RHOBTB2: variants seen among roughly 807,000 people sequenced by gnomAD.
RHOBTB2 encodes rho-related BTB domain-containing protein 2.
RHOBTB2 carries 39 observed loss-of-function variants against 66.5 expected under a neutral mutation model. That is an observed-to-expected ratio of 0.59 (90% CI 0.45 to 0.77). The LOEUF (loss-of-function observed/expected upper bound fraction) is 0.77, where lower values mean the gene tolerates loss of function less well. Ranked by LOEUF, RHOBTB2 falls within the 30% of genes least tolerant of loss-of-function variation. RHOBTB2 has a pLI of 0.00. For synonymous variants in RHOBTB2, 390 were observed against 395.0 expected, an observed-to-expected ratio of 0.99 and a Z score of 0.15; for missense variants, 755 against 999.1, an observed-to-expected ratio of 0.76 and a Z score of 3.29.
intron 1 of RHOBTB2, among the ~76,000 whole-genome samples, chr8:22,991,340 C>T (rs1444444636): frequency 6.6e-6 from 1 of 152,118 alleles, no homozygotes; most frequent in Non-Finnish European, 1.5e-5. Flanking sequence ...GCTGTACAAG[C>T]CAGGGCCATG....
chr8:23,007,518 C>G lies in RHOBTB2; in HGVS notation c.1273C>G (p.Pro425Ala). ...GATGGACAGTTCCATCCAGCCGGGG[C>G]CCTTCCGGGCTGTCCTCAAGTACCT... Reference protein sequence around the residue: ...VKMDSSIQPGPFRAVLKYLYT... With the variant: ...VKMDSSIQPGAFRAVLKYLYT... The change falls in exon 5 of 10, where the codon CCC (proline) becomes GCC (alanine). Residue 425 changes from proline (P) to alanine (A), a missense_variant. Physicochemically the swap from Pro to Ala is conservative, Grantham distance 27 (BLOSUM62 -1). Coordinates refer to ENST00000251822, the MANE Select transcript of RHOBTB2 (RefSeq NM_015178.3). 1 of 1,614,064 alleles carries G rather than the reference C, an allele frequency of 6.2e-7. No individual in the cohort carries two copies. The highest frequency in any genetic ancestry group is 8.5e-7 in the Non-Finnish European group (1 of 1,179,994).
chr8:23,017,643 C>T lies in RHOBTB2; in HGVS notation c.*174C>T. 1.9e-6 allele frequency: 2 copies of T among 1,062,750 alleles called. No individual in the cohort carries two copies. The highest frequency in any genetic ancestry group is 2.6e-6 in the Non-Finnish European group (2 of 755,276). 65.8% of individuals were successfully genotyped at this position (1,062,750 alleles called of 1,614,324 possible). On this transcript the variant is annotated 3_prime_UTR_variant, in exon 10 of 10. Transcript: ENST00000251822. This position sits in a 1 kb window ranked among gnomAD's most constrained non-coding sequence, Gnocchi z 5.3. ...TGGCTCAGCCAGAGAGGAGCTGAGC[C>T]CTGTGGAGCAGAACGGGAACCACCT... is the stretch of plus-strand genomic sequence containing the variant.
At chr8:22,964,028 A>G in the RHOBTB2 span, among the ~76,000 whole-genome samples, 1 of 151,592 alleles carries the variant, frequency 6.6e-6, no homozygotes, top group South Asian at 2.1e-4. Flanking sequence ...TGATCCACCC[A>G]CCTTGGCCTC....
chr8:22,981,887 C>T, the RHOBTB2 span, among the ~76,000 whole-genome samples: 1 of 132,830 alleles, frequency 7.5e-6, no homozygotes, highest in Non-Finnish European at 1.6e-5. Flanking sequence ...CTTGCTGCTG[C>T]AGCCTGGGCG....
upstream of RHOBTB2, among the ~76,000 whole-genome samples, chr8:22,984,299 A>G (rs1356749381): frequency 6.6e-6 from 1 of 152,226 alleles, no homozygotes; most frequent in Non-Finnish European, 1.5e-5. Context: ...AATACAGAAC[A>G]GGGGCTGGCT....
Position 23,017,585 on chromosome 8 carries a change from C to G in RHOBTB2, c.*116C>G, listed in dbSNP as rs1011101886. 1 of 1,457,928 alleles carries G rather than the reference C, an allele frequency of 6.9e-7. No homozygotes were observed. The highest frequency in any genetic ancestry group is 2.5e-5 in the East Asian group (1 of 40,258). The allele number at this position is 1,457,928 out of a possible 1,614,324, so 90.3% of individuals were successfully genotyped here. ...GACCAGGGGGCCCACGTAACCAGGA[C>G]CCAGAGGGTGGAGCTCTTCTTACCA... On this transcript the variant is annotated 3_prime_UTR_variant, in exon 10 of 10. Coordinates refer to ENST00000251822, the MANE Select transcript of RHOBTB2 (RefSeq NM_015178.3). The surrounding 1 kb of genome is among the most constrained non-coding windows in gnomAD (Gnocchi z 5.3).
chr8:23,018,720 C>T lies in RHOBTB2; in HGVS notation c.*1251C>T, dbSNP rs1322863320. ...TTGCCCATCTGGAGACTGCAGGCTC[C>T]CTTCCTTACCCTCAGAGAGTGCTTA... On this transcript the variant is annotated 3_prime_UTR_variant, in exon 10 of 10. Transcript: ENST00000251822. The T allele has an allele frequency of 6.6e-6, 1 of 152,272 alleles. No individual in the cohort carries two copies. The highest frequency in any genetic ancestry group is 1.5e-5 in the Non-Finnish European group (1 of 68,088). 9.4% of individuals were successfully genotyped at this position (152,272 alleles called of 1,614,324 possible).
At chr8:22,963,654 C>T in the RHOBTB2 span, among the ~76,000 whole-genome samples, 1 of 152,150 alleles carries the variant, frequency 6.6e-6, no homozygotes, top group Non-Finnish European at 1.5e-5. Flanking sequence ...GTTCACATAG[C>T]TGGGGAAGCC....
In RHOBTB2 at chr8:23,006,128, T is replaced by G; in HGVS notation, c.465T>G (p.Ala155=). The G allele has an allele frequency of 6.2e-7, 1 of 1,613,180 alleles. No homozygotes were observed. The highest frequency in any genetic ancestry group is 8.5e-7 in the Non-Finnish European group (1 of 1,179,532). Residue 155 remains alanine (A), a synonymous_variant, in exon 4 of 10, where the codon GCT becomes GCG. Coordinates refer to ENST00000251822, the MANE Select transcript of RHOBTB2 (RefSeq NM_015178.3). The surrounding 1 kb of genome is among the most constrained non-coding windows in gnomAD (Gnocchi z 6.1). ...RYADLEAVNR[A]RRPLARPIKP... ...CTGACCTGGAGGCTGTCAACAGGGC[T>G]AGGCGACCCTTGGCTAGGTAGGAGG...
In RHOBTB2 at chr8:23,010,513, G is replaced by C. The variant is rs1285858682; in HGVS notation, c.1621-25G>C. 1.9e-6 allele frequency: 3 copies of C among 1,603,822 alleles called. No homozygotes were observed. In the Admixed American group the frequency reaches 5.0e-5, roughly 27 times the overall value. On this transcript the variant is annotated intron_variant, in intron 6 of 9. Transcript: ENST00000251822. ...TTCTCCTAAGCAGGATCTCATTGCTGTCCGCTCACTCCTTCCCTCCCCAGG... is the reference window on the plus strand; with the variant it reads ...TTCTCCTAAGCAGGATCTCATTGCTCTCCGCTCACTCCTTCCCTCCCCAGG...
At chr8:22,967,760 G>A in the RHOBTB2 span, among the ~76,000 whole-genome samples, 12 of 152,068 alleles carry the variant, frequency 7.9e-5, no homozygotes, top group Non-Finnish European at 1.3e-4. Context: ...GTATAGAGTC[G>A]TAGTTTCACA....
the RHOBTB2 span, among the ~76,000 whole-genome samples, chr8:22,978,857 G>GT: frequency 2.6e-5 from 4 of 151,732 alleles, no homozygotes; most frequent in East Asian, 3.9e-4. Flanking sequence ...GAAATCATGT[G>GT]TTTTTTTTAA....
At chr8:22,989,197 G>C (rs937758080) in intron 1 of RHOBTB2, among the ~76,000 whole-genome samples, 7 of 152,052 alleles carry the variant, frequency 4.6e-5, no homozygotes, top group Non-Finnish European at 8.8e-5. Context: ...GCCCAGGCTG[G>C]AGTGCAGTGG....
At chr8:23,011,813 A>G (rs1428876125) in intron 7 of RHOBTB2, among the ~76,000 whole-genome samples, 3 of 152,204 alleles carry the variant, frequency 2.0e-5, no homozygotes, top group Non-Finnish European at 4.4e-5. Flanking sequence ...GCACATCCTC[A>G]CATACTGAGT....
Position 23,017,170 on chromosome 8 carries a change from T to C in RHOBTB2, c.1967-82T>C. The C allele has an allele frequency of 6.4e-7, 1 of 1,563,630 alleles. No homozygotes were observed. Among genetic ancestry groups the C allele is most frequent in the Non-Finnish European group, 8.7e-7 (1 of 1,147,658 alleles). On this transcript the variant is annotated intron_variant, in intron 9 of 9. Coordinates refer to ENST00000251822, the MANE Select transcript of RHOBTB2 (RefSeq NM_015178.3). The surrounding 1 kb of genome is among the most constrained non-coding windows in gnomAD (Gnocchi z 5.3). ...TGGGCTGGAGGCCTGCTGCAGGCCT[T>C]GTGGTGGGGTAGGGCTGGTGTCCCA...
chr8:22,999,096 A>G (rs1454791474), upstream of RHOBTB2: 3 of 152,386 alleles, frequency 2.0e-5, no homozygotes, highest in Non-Finnish European at 4.4e-5. Flanking sequence ...GAAAATTCCC[A>G]AAGCAGCAGA....
intron 1 of RHOBTB2, among the ~76,000 whole-genome samples, chr8:22,988,471 C>T (rs1159437758): frequency 1.3e-5 from 2 of 152,086 alleles, no homozygotes; most frequent in Admixed American, 1.3e-4. Context: ...CTCCTTCCCC[C>T]TTTTCTTACT....
intron 6 of RHOBTB2, among the ~76,000 whole-genome samples, chr8:23,008,368 G>T (rs1256558795): frequency 6.6e-6 from 1 of 152,054 alleles, no homozygotes; most frequent in East Asian, 1.9e-4. Context: ...CACACGCAAC[G>T]TACACATGTG....
upstream of RHOBTB2, chr8:22,984,696 G>A (rs1195258737): frequency 6.6e-6 from 1 of 152,192 alleles, no homozygotes; most frequent in Non-Finnish European, 1.5e-5. Context: ...GACCAAGGTG[G>A]GCAGATCACC....
Sources: allele counts gnomAD v4.1 joint callset (sites outside exome capture counted in the v4.1 genomes callset), GRCh38; gene constraint gnomAD v4.1.1; non-coding constraint Gnocchi (gnomAD v3.1); transcripts MANE v1.5; gene names NCBI Gene and HGNC (gene_info 2026-07-23, HGNC 2026-07-21).